Variants in RIF1 observed in about 807,000 individuals in gnomAD.
RIF1 encodes the protein replication timing regulatory factor 1.
RIF1 carries 45 observed loss-of-function variants against 247.1 expected under a neutral mutation model. The observed-to-expected ratio is 0.18, with a 90% CI of 0.14 to 0.23. The LOEUF (loss-of-function observed/expected upper bound fraction) is 0.23. Among genes scored for constraint, RIF1 ranks in the 10% least tolerant of loss-of-function variants. RIF1 has a pLI of 1.00. For synonymous variants in RIF1, 1,087 were observed against 978.8 expected (o/e 1.11, Z -2.06); for missense variants, 2,967 against 2,862.5 (o/e 1.04, Z -0.83).
At chr2:151,410,237 C>T (rs1685905848) in intron 1 of RIF1, 177 bp from the exon 2 acceptor site, 1 of 631,866 alleles carries the variant, frequency 1.6e-6, no homozygotes, top group Non-Finnish European at 2.8e-6. Flanking sequence ...TGTCTGGTGT[C>T]GGGCGCCGGA....
At chr2:151,450,626 C>T (rs1036563814) in intron 20 of RIF1, among the ~76,000 whole-genome samples, 2 of 151,984 alleles carry the variant, frequency 1.3e-5, no homozygotes, top group African/African-American at 4.8e-5. Context: ...CGCTCTGTCG[C>T]AGGCTGGCGT....
At chr2:151,430,215 G>T (rs181628898) in intron 9 of RIF1, among the ~76,000 whole-genome samples, 1 of 151,936 alleles carries the variant, frequency 6.6e-6, no homozygotes, top group African/African-American at 2.4e-5. Flanking sequence ...TAGAGACGGG[G>T]TTTCACCGTG....
In RIF1 at chr2:151,474,915, T is replaced by G; in HGVS notation, c.7263T>G (p.Ile2421Met). The change falls in exon 36 of 36, where the codon ATT becomes ATG. Residue 2421 changes from isoleucine (I) to methionine (M), a missense_variant. Coordinates refer to ENST00000444746, the MANE Select transcript of RIF1 (RefSeq NM_018151.5). ...TATCCAAAAACCTTCTGGCACAGAT[T>G]AGTGCTCTTGCTCTTCAGCTGGATT... ...IPLSKNLLAQ[I>M]SALALQLDSE... 6.2e-7 allele frequency: 1 copy of G among 1,607,860 alleles called. No homozygotes were observed. The highest frequency in any genetic ancestry group is 8.5e-7 in the Non-Finnish European group (1 of 1,174,336).
the RIF1 span, chr2:151,520,044 A>C: frequency 3.3e-4 from 76 of 228,402 alleles, 1 homozygote; most frequent in South Asian, 3.4e-3. Flanking sequence ...CAAAACAAAA[A>C]AAAAAAAAAA....
At chr2:151,420,456 T>C (rs1431192614) in intron 7 of RIF1, 77 bp downstream of exon 7, 2 of 1,419,948 alleles carry the variant, frequency 1.4e-6, no homozygotes, top group African/African-American at 2.8e-5. Flanking sequence ...TTCAGTCTGG[T>C]GGCCAGGTAC....
the RIF1 span, chr2:151,516,403 C>G: frequency 8.1e-7 from 1 of 1,239,902 alleles, no homozygotes; most frequent in Non-Finnish European, 1.2e-6. Flanking sequence ...ATGGGCAGAG[C>G]TTGTGTTCAG....
intron 9 of RIF1, among the ~76,000 whole-genome samples, chr2:151,430,977 G>T (rs904119401): frequency 2.0e-5 from 3 of 152,168 alleles, no homozygotes; most frequent in Admixed American, 1.3e-4. Context: ...AATTGAAATT[G>T]TAGCTTATTT....
the RIF1 span, among the ~76,000 whole-genome samples, chr2:151,524,112 T>C: frequency 6.6e-6 from 1 of 152,054 alleles, no homozygotes; most frequent in African/African-American, 2.4e-5. Flanking sequence ...AATGGTAAAG[T>C]GGAGAACAAG....
chr2:151,495,630 C>CAGT (rs746606383), intron 10 of RIF1, among the ~76,000 whole-genome samples: 34 of 152,060 alleles, frequency 2.2e-4, no homozygotes, highest in Admixed American at 3.9e-4. Flanking sequence ...AAATGGTTTA[C>CAGT]TAAAGTTTGC....
intron 29 of RIF1, 152 bp downstream of exon 29, chr2:151,462,618 A>G: frequency 1.7e-6 from 1 of 590,232 alleles, no homozygotes; most frequent in African/African-American, 1.9e-5. Context: ...TCCCATTCAG[A>G]TACTAGCAGA....
Position 151,433,172 on chromosome 2 carries a change from G to A in RIF1, c.1021G>A (p.Val341Ile). The change falls in exon 10 of 36, where the codon GTC becomes ATC. Residue 341 changes from valine to isoleucine, a missense_variant. This residue lies in a region of RIF1 where 71 missense variants were observed against 132.9 expected (regional missense o/e 0.53). Coordinates refer to ENST00000444746, the MANE Select transcript of RIF1 (RefSeq NM_018151.5). ...AACTCTAGCATTAACAAAACTAGAAGTCTGGTGGTATTTACTGATGAGACT... is the reference window on the plus strand; with the variant it reads ...AACTCTAGCATTAACAAAACTAGAAATCTGGTGGTATTTACTGATGAGACT... The part of the protein sequence containing the change: ...TETLALTKLE[V>I]WWYLLMRLGP... The A allele has an allele frequency of 6.2e-7, 1 of 1,613,376 alleles. No individual in the cohort carries two copies. Among genetic ancestry groups the A allele is most frequent in the Non-Finnish European group, 8.5e-7 (1 of 1,179,388 alleles).
chr2:151,529,658 G>A, the RIF1 span, among the ~76,000 whole-genome samples: 12 of 152,122 alleles, frequency 7.9e-5, no homozygotes, highest in African/African-American at 1.9e-4. Flanking sequence ...AGCCTCCTGA[G>A]TACCTGGGAC....
intron 6 of RIF1, among the ~76,000 whole-genome samples, chr2:151,418,210 T>A (rs1687544911): frequency 6.6e-6 from 1 of 152,220 alleles, no homozygotes; most frequent in South Asian, 2.1e-4. Flanking sequence ...CTACTTTCTG[T>A]AACTTTATTT....
intron 20 of RIF1, among the ~76,000 whole-genome samples, chr2:151,447,508 G>A (rs1335604142): frequency 1.3e-5 from 2 of 152,152 alleles, no homozygotes; most frequent in African/African-American, 2.4e-5. Flanking sequence ...CTAGTATTCT[G>A]TAGTATGGTT....
intron 7 of RIF1, among the ~76,000 whole-genome samples, chr2:151,421,463 G>A (rs1424920857): frequency 2.0e-5 from 3 of 152,170 alleles, no homozygotes; most frequent in Non-Finnish European, 4.4e-5. Flanking sequence ...TGACAGTAGT[G>A]GAGTGAATGA....
Position 151,457,850 on chromosome 2 carries a change from A to G in RIF1, c.2742A>G (p.Pro914=). Residue 914 remains proline (P), a synonymous_variant, in exon 24 of 36, where the codon CCA becomes CCG. Transcript: ENST00000444746. The stretch of plus-strand genomic sequence containing the variant: ...GTGAACTTCTTGAACAACTCTCCCC[A>G]CTATTATGCATAATATTTCTGCACA... ...YDSELLEQLS[P]LLCIIFLHKN... is the part of the protein sequence containing the mutation. The G allele has an allele frequency of 6.2e-7, 1 of 1,613,732 alleles. No individual in the cohort carries two copies. The highest frequency in any genetic ancestry group is 8.5e-7 in the Non-Finnish European group (1 of 1,179,724).
intron 9 of RIF1, among the ~76,000 whole-genome samples, chr2:151,488,614 G>A (rs1248187876): frequency 6.6e-6 from 1 of 151,984 alleles, no homozygotes; most frequent in Non-Finnish European, 1.5e-5. Flanking sequence ...CCACCACACT[G>A]CAGCCTGGGT....
rs2049127720 is a variant in RIF1 at position 151,480,647 on chromosome 2, TA to T, written c.*5579del. On this transcript the variant is annotated 3_prime_UTR_variant, in exon 36 of 36. Coordinates refer to ENST00000444746, the MANE Select transcript of RIF1 (RefSeq NM_018151.5). ...AAGGCAGCTTTGTTTCTTAAACGGATAAACAACATATAACTAGGAAGATCAT... is the reference window on the plus strand; with the variant it reads ...AAGGCAGCTTTGTTTCTTAAACGGATAACAACATATAACTAGGAAGATCAT... 6.6e-6 allele frequency: 1 copy of T among 152,186 alleles called. No homozygotes were observed. Among genetic ancestry groups the T allele is most frequent in the African/African-American group, 2.4e-5 (1 of 41,446 alleles). The allele number at this position is 152,186 out of a possible 1,614,324, so 9.4% of individuals were successfully genotyped here. A position where few individuals can be genotyped will look rare whatever the true frequency, so the allele number is the denominator to read the frequency against.
chr2:151,491,495 T>C (rs1031245444), intron 9 of RIF1: 3 of 494,790 alleles, frequency 6.1e-6, no homozygotes, highest in African/African-American at 5.8e-5. Context: ...AACAAAATTT[T>C]TTCTAACTTG....
Sources: allele counts gnomAD v4.1 joint callset (sites outside exome capture counted in the v4.1 genomes callset), GRCh38; gene constraint gnomAD v4.1.1; regional missense constraint gnomAD v4.1.1; transcripts MANE v1.5; gene names NCBI Gene and HGNC (gene_info 2026-07-23, HGNC 2026-07-21).